Variants in CLYBL observed in about 807,000 individuals in gnomAD.
CLYBL encodes citramalyl-CoA lyase, also known as citramalyl-CoA lyase, mitochondrial.
Under a neutral mutation model 38.9 loss-of-function variants are expected in CLYBL, and 31 were observed. The ratio of observed to expected loss-of-function variants is 0.80; its 90% CI spans 0.60 to 1.08. The LOEUF (loss-of-function observed/expected upper bound fraction) is 1.08. Among genes scored for constraint, CLYBL ranks in the 50% least tolerant of loss-of-function variants. CLYBL has a pLI of 0.00. For missense variants in CLYBL, 434 were observed against 411.6 expected, an observed-to-expected ratio of 1.05 and a Z score of -0.47; for synonymous variants, 171 against 158.6, an observed-to-expected ratio of 1.08 and a Z score of -0.59.
rs149762366 is a variant in CLYBL at position 99,700,396 on chromosome 13, A to G, written c.63-72428A>G. Among the ~76,000 whole-genome samples, 680 of 152,310 alleles carry G rather than the reference A, an allele frequency of 4.5e-3. 3 individuals carry two copies. The highest frequency in any genetic ancestry group is 0.015 in the African/African-American group (644 of 41,574). On this transcript the variant is annotated intron_variant, in intron 1 of 8. Transcript: ENST00000339105. ...GAGGCGGAGGTTGCGGTGAGCGGAG[A>G]TCGCACCATTGCACTCCAGCCTGGG... is the stretch of plus-strand genomic sequence containing the variant.
chr13:99,608,227 C>T (rs1193619162), intron 1 of CLYBL, among the ~76,000 whole-genome samples: 2 of 152,068 alleles, frequency 1.3e-5, no homozygotes, highest in East Asian at 1.9e-4. Flanking sequence ...CGTCCGCCAC[C>T]ATGCCCGGCT....
intron 2 of CLYBL, among the ~76,000 whole-genome samples, chr13:99,775,805 G>A (rs557702807): frequency 8.4e-4 from 128 of 152,076 alleles, no homozygotes; most frequent in African/African-American, 2.8e-3. Flanking sequence ...CATGATGCCC[G>A]GCCAAAATTC....
chr13:99,802,458 G>T (rs1329273592), intron 2 of CLYBL, among the ~76,000 whole-genome samples: 1 of 152,002 alleles, frequency 6.6e-6, no homozygotes. Context: ...TTATTTTGGG[G>T]GGGTCCAGAC....
chr13:99,716,540 T>C (rs973577234), intron 1 of CLYBL, among the ~76,000 whole-genome samples: 12 of 146,246 alleles, frequency 8.2e-5, no homozygotes, highest in Non-Finnish European at 1.2e-4. Flanking sequence ...TCTGCCACCA[T>C]GCCTGGGTAA....
intron 1 of CLYBL, among the ~76,000 whole-genome samples, chr13:99,736,148 G>C (rs566513264): frequency 2.1e-5 from 3 of 145,038 alleles, no homozygotes; most frequent in Non-Finnish European, 4.5e-5. Flanking sequence ...GAGTTCAAGC[G>C]ATTCTCCTGC....
At chr13:99,797,069 T>A (rs16956916) in intron 2 of CLYBL, among the ~76,000 whole-genome samples, 2,183 of 152,346 alleles carry the variant, frequency 0.014, 49 homozygotes, top group African/African-American at 0.049. Context: ...TTTGCTATTA[T>A]TTCAACATTG....
At chr13:99,753,746 A>G (rs564704263) in intron 1 of CLYBL, among the ~76,000 whole-genome samples, 7 of 152,238 alleles carry the variant, frequency 4.6e-5, no homozygotes, top group African/African-American at 1.7e-4. Flanking sequence ...GAACCAAGTT[A>G]TTTTCTGCAC....
intron 1 of CLYBL, among the ~76,000 whole-genome samples, chr13:99,662,249 G>A (rs903808158): frequency 3.9e-5 from 6 of 152,278 alleles, no homozygotes; most frequent in South Asian, 2.1e-4. Context: ...TAATTGTGCC[G>A]TGTGATTTTG....
At chr13:99,826,535 A>G (rs2050699262) in intron 2 of CLYBL, among the ~76,000 whole-genome samples, 1 of 152,170 alleles carries the variant, frequency 6.6e-6, no homozygotes, top group South Asian at 2.1e-4. Context: ...ATTGCAATCC[A>G]ACTCTCAGCA....
At chr13:99,709,412 C>T (rs529516896) in intron 1 of CLYBL, among the ~76,000 whole-genome samples, 6 of 152,192 alleles carry the variant, frequency 3.9e-5, no homozygotes, top group Non-Finnish European at 5.9e-5. Flanking sequence ...CACCGTCCTC[C>T]GCTACTGTGT....
intron 2 of CLYBL, among the ~76,000 whole-genome samples, chr13:99,785,683 G>GA (rs2049775477): frequency 2.6e-5 from 4 of 151,232 alleles, no homozygotes; most frequent in African/African-American, 9.7e-5. Context: ...TGCAACATCT[G>GA]CCTCCCAGGT....
intron 2 of CLYBL, among the ~76,000 whole-genome samples, chr13:99,833,017 T>TATATACATAC (rs1566345712): frequency 2.0e-4 from 7 of 35,712 alleles, no homozygotes; most frequent in Non-Finnish European, 2.2e-4. Flanking sequence ...CATATATATA[T>TATATACATAC]ATATATATAT....
chr13:99,890,803 T>C (rs1232069587), intron 7 of CLYBL, among the ~76,000 whole-genome samples: 1 of 152,168 alleles, frequency 6.6e-6, no homozygotes, highest in East Asian at 1.9e-4. Context: ...TGTATGGGTT[T>C]ACCAACAGAC....
At chr13:99,748,438 T>G (rs1213934331) in intron 1 of CLYBL, among the ~76,000 whole-genome samples, 1 of 129,910 alleles carries the variant, frequency 7.7e-6, no homozygotes, top group East Asian at 2.2e-4. Flanking sequence ...TGTTTTTTTT[T>G]TTTTTTTTTT....
chr13:99,884,251 A>G (rs1481888824), intron 7 of CLYBL, among the ~76,000 whole-genome samples: 1 of 152,186 alleles, frequency 6.6e-6, no homozygotes, highest in Non-Finnish European at 1.5e-5. Context: ...ACAGAGAGAC[A>G]TGTGCAGATA....
At chr13:99,845,861 G>T (rs930241650) in intron 2 of CLYBL, among the ~76,000 whole-genome samples, 4 of 151,724 alleles carry the variant, frequency 2.6e-5, no homozygotes, top group Non-Finnish European at 4.4e-5. Flanking sequence ...TCGTTTTCTG[G>T]TTTTTCCACA....
intron 1 of CLYBL, among the ~76,000 whole-genome samples, chr13:99,699,593 T>C (rs1457314442): frequency 1.3e-5 from 2 of 151,362 alleles, no homozygotes; most frequent in East Asian, 1.9e-4. Flanking sequence ...CTCAGAAGGC[T>C]GAGGCAGGAA....
At chr13:99,630,039 C>T (rs1227856767) in intron 1 of CLYBL, among the ~76,000 whole-genome samples, 3 of 150,180 alleles carry the variant, frequency 2.0e-5, no homozygotes, top group Non-Finnish European at 4.4e-5. Context: ...GAGAAGTGCC[C>T]GAAGTTAGTT....
intron 1 of CLYBL, among the ~76,000 whole-genome samples, chr13:99,687,668 T>A (rs1175697117): frequency 1.3e-5 from 2 of 152,370 alleles, no homozygotes; most frequent in East Asian, 3.9e-4. Flanking sequence ...TTGCCTTAAC[T>A]GAGAAATGTT....
Sources: allele counts gnomAD v4.1 joint callset (sites outside exome capture counted in the v4.1 genomes callset), GRCh38; gene constraint gnomAD v4.1.1; transcripts MANE v1.5; gene names NCBI Gene and HGNC (gene_info 2026-07-23, HGNC 2026-07-21).